The following EYS variants were observed in gnomAD, a reference collection of about 807,000 sequenced individuals.
EYS encodes the protein EGF-like photoreceptor maintenance factor.
EYS carries 250 observed loss-of-function variants against 282.1 expected under a neutral mutation model. That is an observed-to-expected ratio of 0.89 (90% CI 0.80 to 0.98). The LOEUF is 0.98. Among genes scored for constraint, EYS ranks in the 50% least tolerant of loss-of-function variants. The pLI is 0.00. For missense variants in EYS, 4,016 were observed against 3,709.0 expected, an observed-to-expected ratio of 1.08 and a Z score of -2.15; for synonymous variants, 1,355 against 1,282.9, an observed-to-expected ratio of 1.06 and a Z score of -1.20.
intron 35 of EYS, among the ~76,000 whole-genome samples, chr6:63,912,670 A>AT (rs1764290297): frequency 6.6e-6 from 1 of 152,116 alleles, no homozygotes; most frequent in South Asian, 2.1e-4. Context: ...TGGTTGGATT[A>AT]TGGGGGTGGA....
chr6:64,683,411 C>T (rs1769973071), intron 22 of EYS, among the ~76,000 whole-genome samples: 1 of 151,966 alleles, frequency 6.6e-6, no homozygotes, highest in Non-Finnish European at 1.5e-5. Flanking sequence ...GAAACTATAA[C>T]AAAGCACCAA....
At chr6:64,380,451 A>G (rs1772706446) in intron 29 of EYS, among the ~76,000 whole-genome samples, 1 of 152,224 alleles carries the variant, frequency 6.6e-6, no homozygotes, top group African/African-American at 2.4e-5. Context: ...AGAAATCTTC[A>G]GTATTCCCTT....
chr6:65,356,345 T>G (rs1764487715), intron 8 of EYS, among the ~76,000 whole-genome samples: 1 of 152,014 alleles, frequency 6.6e-6, no homozygotes, highest in Non-Finnish European at 1.5e-5. Flanking sequence ...AGGATACGAA[T>G]CCCTGTTTCT....
intron 22 of EYS, among the ~76,000 whole-genome samples, chr6:64,718,508 T>C (rs977774087): frequency 6.6e-6 from 1 of 152,196 alleles, no homozygotes; most frequent in Non-Finnish European, 1.5e-5. Flanking sequence ...TTTGACCTTA[T>C]CAGTTTATCA....
intron 12 of EYS, among the ~76,000 whole-genome samples, chr6:65,290,097 T>A (rs1256823272): frequency 3.3e-5 from 5 of 151,226 alleles, no homozygotes; most frequent in Admixed American, 6.6e-5. Flanking sequence ...GGCAAAGCAA[T>A]ACCCAAAGTA....
At position 64,949,250 on chromosome 6, in the gene EYS, A is replaced by C. The variant is rs571182417; in HGVS notation, c.2260-3336T>G. Among the ~76,000 whole-genome samples, 6 of 152,022 alleles carry C rather than the reference A, an allele frequency of 3.9e-5. No individual in the cohort carries two copies. In the South Asian group the frequency reaches 1.2e-3, roughly 32 times the overall value. On this transcript the variant is annotated intron_variant, in intron 14 of 42. Transcript: ENST00000503581. ...CAGTGTACAAGAGTCAGTCACCTAA[A>C]TCCTTTGCTTTCGGTCTCACCATGC...
intron 4 of EYS, among the ~76,000 whole-genome samples, 161 bp downstream of exon 4, chr6:65,494,502 C>T (rs758743387): frequency 3.9e-4 from 59 of 151,932 alleles, no homozygotes; most frequent in South Asian, 6.2e-4. Context: ...AGGATGGTCT[C>T]GCTCTCCTGA....
intron 26 of EYS, among the ~76,000 whole-genome samples, chr6:64,453,007 A>T (rs1250428924): frequency 6.6e-6 from 1 of 152,204 alleles, no homozygotes; most frequent in African/African-American, 2.4e-5. Flanking sequence ...AAGTTGACAA[A>T]TGGGATCTAA....
intron 19 of EYS, among the ~76,000 whole-genome samples, chr6:64,836,985 T>C (rs941331473): frequency 6.6e-6 from 1 of 151,656 alleles, no homozygotes; most frequent in African/African-American, 2.4e-5. Context: ...AAAAATGCTG[T>C]GGAAATTTAA....
At chr6:64,948,746 G>C (rs1457764290) in intron 14 of EYS, among the ~76,000 whole-genome samples, 1 of 151,176 alleles carries the variant, frequency 6.6e-6, no homozygotes, top group East Asian at 1.9e-4. Flanking sequence ...AAGGAGTAAA[G>C]GTTTACATTA....
intron 31 of EYS, among the ~76,000 whole-genome samples, chr6:64,097,863 T>C (rs1412551816): frequency 2.0e-5 from 3 of 152,000 alleles, no homozygotes; most frequent in African/African-American, 4.8e-5. Flanking sequence ...CACAAAAAAA[T>C]TGGACAAATT....
chr6:64,442,177 T>C (rs751954913), intron 26 of EYS, among the ~76,000 whole-genome samples: 25 of 152,144 alleles, frequency 1.6e-4, no homozygotes, highest in Non-Finnish European at 3.1e-4. Flanking sequence ...TGTTGGGAAA[T>C]GGAGCAAAGG....
chr6:65,256,508 G>T (rs1324709877), intron 12 of EYS, among the ~76,000 whole-genome samples: 1 of 123,386 alleles, frequency 8.1e-6, no homozygotes, highest in African/African-American at 3.3e-5. Flanking sequence ...CTATGAGTGA[G>T]AATATGCGGT....
intron 22 of EYS, among the ~76,000 whole-genome samples, chr6:64,667,106 C>A (rs367844863): frequency 6.1e-4 from 92 of 151,272 alleles, no homozygotes; most frequent in African/African-American, 2.1e-3. Context: ...CAAGAACTTT[C>A]CCTATATCCT....
rs113771877 is a variant in EYS, at chr6:65,137,026, A to G, written c.2024-79299T>C. 4.7e-3 allele frequency among the ~76,000 whole-genome samples: 714 copies of G among 152,186 alleles called. 4 individuals are homozygous for G. Among genetic ancestry groups the G allele is most frequent in the African/African-American group, 0.015 (631 of 41,546 alleles). On this transcript the variant is annotated intron_variant, in intron 12 of 42. Coordinates refer to ENST00000503581, the MANE Select transcript of EYS (RefSeq NM_001142800.2). ...TCAAAAACTTTTATATTGAGTACTAAATGTATGCAACACATTGTGCAGATA... is the reference window on the plus strand; with the variant it reads ...TCAAAAACTTTTATATTGAGTACTAGATGTATGCAACACATTGTGCAGATA...
intron 30 of EYS, among the ~76,000 whole-genome samples, chr6:64,251,886 A>C (rs1191221682): frequency 2.0e-5 from 3 of 152,164 alleles, no homozygotes; most frequent in Non-Finnish European, 4.4e-5. Flanking sequence ...GAATTTAAGA[A>C]GGCTTCAAAG....
At position 63,721,786 on chromosome 6, in the gene EYS, A is replaced by G; in HGVS notation, c.8245T>C (p.Cys2749Arg). The G allele has an allele frequency of 6.5e-7, 1 of 1,541,188 alleles. No individual in the cohort carries two copies. The highest frequency in any genetic ancestry group is 8.8e-7 in the Non-Finnish European group (1 of 1,141,780). ...ACGGAACTATTTACTAAAGAGATGC[A>G]TAAAAAATCACCTGCAAGAAAGCAA... The part of the protein sequence containing the change: ...HLKAQSGDFL[C>R]ISLVNSSVQL... The change falls in exon 43 of 43, where the codon TGC (cysteine) becomes CGC (arginine). Residue 2749 changes from cysteine (C) to arginine (R), a missense_variant. Coordinates refer to ENST00000503581, the MANE Select transcript of EYS (RefSeq NM_001142800.2).
At chr6:65,110,007 C>A (rs999668103) in intron 12 of EYS, among the ~76,000 whole-genome samples, 14 of 152,260 alleles carry the variant, frequency 9.2e-5, no homozygotes, top group Non-Finnish European at 1.6e-4. Flanking sequence ...AGTGCTCAAG[C>A]AACTTGGTTT....
chr6:64,798,789 C>T (rs978770621), intron 22 of EYS, among the ~76,000 whole-genome samples: 2 of 151,682 alleles, frequency 1.3e-5, no homozygotes, highest in African/African-American at 4.8e-5. Context: ...GATATTTTTG[C>T]ATTTGAACCC....
Sources: allele counts gnomAD v4.1 joint callset (sites outside exome capture counted in the v4.1 genomes callset), GRCh38; gene constraint gnomAD v4.1.1; transcripts MANE v1.5; gene names NCBI Gene and HGNC (gene_info 2026-07-23, HGNC 2026-07-21).